FGF14: variants seen among roughly 807,000 people sequenced by gnomAD.
The protein encoded by FGF14 is fibroblast growth factor 14.
FGF14 carries 5 observed loss-of-function variants against 25.5 expected under a neutral mutation model. The observed-to-expected ratio is 0.20, with a 90% CI of 0.10 to 0.41. The LOEUF (loss-of-function observed/expected upper bound fraction) is 0.41, where lower values mean the gene tolerates loss of function less well. FGF14 is among the 10% of genes least tolerant of loss of function. FGF14 has a pLI of 1.00. For missense variants in FGF14, 222 were observed against 320.1 expected (o/e 0.69, Z 2.34); for synonymous variants, 138 against 118.3 (o/e 1.17, Z -1.08).
intron 3 of FGF14, among the ~76,000 whole-genome samples, chr13:101,793,756 T>C (rs1461138040): frequency 1.3e-5 from 2 of 152,066 alleles, no homozygotes; most frequent in African/African-American, 4.8e-5. Context: ...CCAAACTGAT[T>C]CACTCATTGA....
intron 1 of FGF14, among the ~76,000 whole-genome samples, chr13:101,993,687 T>C (rs2039026753): frequency 6.6e-6 from 1 of 151,986 alleles, no homozygotes; most frequent in African/African-American, 2.4e-5. Context: ...TCACTAACAC[T>C]TTTTTAAAAG....
intron 1 of FGF14, among the ~76,000 whole-genome samples, chr13:102,361,507 T>C (rs925600900): frequency 2.5e-4 from 38 of 151,738 alleles, no homozygotes; most frequent in African/African-American, 9.2e-4. Context: ...TTTTCTTTCA[T>C]AGCACACGTA....
chr13:101,812,611 CTATATATATATATATA>C (rs35878751), intron 3 of FGF14, among the ~76,000 whole-genome samples: 623 of 12,360 alleles, frequency 0.05, 47 homozygotes, highest in South Asian at 0.097. Context: ...ATTTTTAAAA[CTATATATATATATATA>C]TATATATATA....
At chr13:102,001,972 C>A (rs901989160) in intron 1 of FGF14, among the ~76,000 whole-genome samples, 6 of 152,124 alleles carry the variant, frequency 3.9e-5, no homozygotes, top group African/African-American at 1.2e-4. Flanking sequence ...GTGCTACAGG[C>A]ACTGCAGCTT....
At chr13:102,311,992 T>C (rs2055792043) in intron 1 of FGF14, among the ~76,000 whole-genome samples, 1 of 152,144 alleles carries the variant, frequency 6.6e-6, no homozygotes, top group Admixed American at 6.6e-5. Flanking sequence ...TATTTATGGG[T>C]TAATAACATT....
chr13:101,954,719 T>C (rs913532103), intron 1 of FGF14, among the ~76,000 whole-genome samples: 14 of 152,132 alleles, frequency 9.2e-5, no homozygotes, highest in African/African-American at 3.1e-4. Context: ...TGTGTGTGTG[T>C]GTGCTTGTGC....
intron 1 of FGF14, among the ~76,000 whole-genome samples, chr13:102,098,779 A>G (rs1244837212): frequency 6.6e-6 from 1 of 152,164 alleles, no homozygotes; most frequent in Non-Finnish European, 1.5e-5. Context: ...TAGGACAGAA[A>G]AGGCTCCCCT....
intron 1 of FGF14, among the ~76,000 whole-genome samples, chr13:102,207,603 G>GA (rs1458006539): frequency 2.5e-5 from 2 of 80,202 alleles, no homozygotes; most frequent in African/African-American, 5.3e-5. Flanking sequence ...CTGTCCTTGA[G>GA]AAAAAAGGGT....
chr13:102,243,402 C>T (rs1205490064), intron 1 of FGF14, among the ~76,000 whole-genome samples: 1 of 151,926 alleles, frequency 6.6e-6, no homozygotes. Context: ...TTTTAAAGTC[C>T]AAAATAGATT....
intron 1 of FGF14, among the ~76,000 whole-genome samples, chr13:102,243,465 T>C (rs886646927): frequency 2.0e-5 from 3 of 151,916 alleles, no homozygotes; most frequent in African/African-American, 7.2e-5. Context: ...GCCCGACATT[T>C]ATTTATAACA....
At chr13:101,961,198 C>T (rs1233551977) in intron 1 of FGF14, among the ~76,000 whole-genome samples, 1 of 152,040 alleles carries the variant, frequency 6.6e-6, no homozygotes, top group Non-Finnish European at 1.5e-5. Flanking sequence ...TAACTAGATC[C>T]CATGTGTCAA....
rs1566432088 is a variant in FGF14 at position 101,916,906 on chromosome 13, C to T, written c.-261G>A. On this transcript the variant is annotated 5_prime_UTR_variant, in exon 1 of 5. Coordinates refer to ENST00000376143, the MANE Select transcript of FGF14 (RefSeq NM_004115.4). ...GGAAGCCGGACGTCGTGGCCGCCGCCGCTTGGCCACGTCCGAGTGGAGAGC... is the reference window on the plus strand; with the variant it reads ...GGAAGCCGGACGTCGTGGCCGCCGCTGCTTGGCCACGTCCGAGTGGAGAGC... Among the ~76,000 whole-genome samples, 1 of 152,028 alleles carries T rather than the reference C, an allele frequency of 6.6e-6. No individual in the cohort carries two copies. The highest frequency in any genetic ancestry group is 1.5e-5 in the Non-Finnish European group (1 of 67,952).
chr13:102,061,509 G>C (rs1406662411), intron 1 of FGF14, among the ~76,000 whole-genome samples: 2 of 152,130 alleles, frequency 1.3e-5, no homozygotes, highest in Non-Finnish European at 2.9e-5. Flanking sequence ...AAAAATAGTG[G>C]GTTTTACTCA....
intron 1 of FGF14, among the ~76,000 whole-genome samples, chr13:102,035,792 G>T (rs1479605402): frequency 6.6e-6 from 1 of 152,142 alleles, no homozygotes; most frequent in African/African-American, 2.4e-5. Context: ...AGGTAAAAAT[G>T]CAGTTGCTTT....
intron 1 of FGF14, among the ~76,000 whole-genome samples, chr13:102,011,546 G>T (rs935206632): frequency 2.0e-4 from 30 of 150,390 alleles, no homozygotes; most frequent in Middle Eastern, 3.4e-3. Flanking sequence ...ACAAACCCAG[G>T]CAGGATCGCC....
rs116623148 is a variant in FGF14, at chr13:101,790,922, C to T, written c.409-64112G>A. 2.0e-3 allele frequency among the ~76,000 whole-genome samples: 300 copies of T among 152,194 alleles called. 1 individual carries two copies. The highest frequency in any genetic ancestry group is 6.7e-3 in the African/African-American group (278 of 41,548). ...ACCAACTATAACGTGAATTTGGTAT[C>T]GATATTTGTGCCAAAGATATAGGTG... On this transcript the variant is annotated intron_variant, in intron 3 of 4. Coordinates refer to ENST00000376143, the MANE Select transcript of FGF14 (RefSeq NM_004115.4).
intron 3 of FGF14, among the ~76,000 whole-genome samples, chr13:101,839,447 C>T (rs2043093166): frequency 1.3e-5 from 2 of 152,054 alleles, no homozygotes; most frequent in Non-Finnish European, 2.9e-5. Context: ...AAAGTAATAC[C>T]AGTGCTCCTG....
Position 101,916,414 on chromosome 13 carries a change from C to G in FGF14, c.193+39G>C, listed in dbSNP as rs563509330. Reference sequence around the variant, plus strand: ...AAGCTCCGTTTAGGCGGGGAGGGGGCGACCCGGGGCGCATCTCCCGACCAT... The same window carrying G: ...AAGCTCCGTTTAGGCGGGGAGGGGGGGACCCGGGGCGCATCTCCCGACCAT... On this transcript the variant is annotated intron_variant, in intron 1 of 4. Transcript: ENST00000376143. 1.2e-5 allele frequency: 20 copies of G among 1,610,036 alleles called. No homozygotes were observed. The Admixed American group carries it at 1.3e-4, about 11-fold the overall frequency.
intron 1 of FGF14, among the ~76,000 whole-genome samples, chr13:102,137,287 G>C (rs187805803): frequency 2.0e-5 from 3 of 152,322 alleles, no homozygotes. Context: ...CAAAATTTAT[G>C]ACTAAATAGT....
Sources: gnomAD v4.1 joint callset for allele counts (sites outside exome capture counted in the v4.1 genomes callset) on GRCh38, gnomAD v4.1.1 for gene constraint, MANE v1.5 for transcripts, NCBI Gene and HGNC (gene_info 2026-07-23, HGNC 2026-07-21) for gene names.